Variants in ANO1 observed in about 807,000 individuals in gnomAD.
ANO1 encodes anoctamin-1.
In ANO1, 59 loss-of-function variants were observed where a neutral mutation model predicts 124.0. The observed-to-expected ratio is 0.48, with a 90% CI of 0.39 to 0.59. The LOEUF (loss-of-function observed/expected upper bound fraction) is 0.59. Among genes scored for constraint, ANO1 ranks in the 20% least tolerant of loss-of-function variants. The pLI is 0.00. For missense variants in ANO1, 1,059 were observed against 1,328.0 expected (o/e 0.80, Z 3.15); for synonymous variants, 529 against 532.0 (o/e 0.99, Z 0.08).
At chr11:70,108,284 A>G (rs1024955383) in intron 5 of ANO1, 69 bp from the exon 6 acceptor site, 9 of 1,511,492 alleles carry the variant, frequency 6.0e-6, no homozygotes, top group Non-Finnish European at 8.2e-6. Context: ...CTCCAGCCAC[A>G]GCAGACTGTT....
In ANO1 at chr11:70,167,237, C is replaced by T; in HGVS notation, c.2052-5C>T. Reference sequence around the variant, plus strand: ...AACCTAACTGCATGATGTCTCATCTCTCAGGAAGATGAAGAAGCTCATCCG... The same window carrying T: ...AACCTAACTGCATGATGTCTCATCTTTCAGGAAGATGAAGAAGCTCATCCG... On this transcript the variant is annotated splice_polypyrimidine_tract_variant and splice_region_variant and intron_variant, in intron 20 of 25. Transcript: ENST00000355303. 1 of 1,613,902 alleles carries T rather than the reference C, an allele frequency of 6.2e-7. No individual in the cohort carries two copies. Among genetic ancestry groups the T allele is most frequent in the Non-Finnish European group, 8.5e-7 (1 of 1,179,834 alleles).
At chr11:70,025,823 GAT>G (rs1856889713) in intron 1 of ANO1, among the ~76,000 whole-genome samples, 1 of 109,630 alleles carries the variant, frequency 9.1e-6, no homozygotes, top group Admixed American at 8.6e-5. Flanking sequence ...TGGTGATGAT[GAT>G]GGTGGTGGTG....
chr11:70,024,317 G>A lies in ANO1; in HGVS notation c.58+38151G>A, dbSNP rs143286863. 9.3e-3 allele frequency among the ~76,000 whole-genome samples: 1,412 copies of A among 152,316 alleles called. 12 individuals are homozygous for A. The highest frequency in any genetic ancestry group is 0.014 in the Non-Finnish European group (919 of 68,028). On this transcript the variant is annotated intron_variant, in intron 1 of 27. Coordinates refer to the ANO1 transcript ENST00000531349. ...AGATCCCTGAGACCATCTGGAGCGGGGGGACACATAGCCCATAAACCACAT... is the reference window on the plus strand; with the variant it reads ...AGATCCCTGAGACCATCTGGAGCGGAGGGACACATAGCCCATAAACCACAT...
At chr11:69,990,560 T>G (rs55674965) in intron 1 of ANO1, among the ~76,000 whole-genome samples, 286 of 152,358 alleles carry the variant, frequency 1.9e-3, no homozygotes, top group Non-Finnish European at 3.6e-3. Flanking sequence ...TTTAAGGAAC[T>G]GCCAAACTGT....
chr11:70,013,297 G>T (rs1169682876), intron 1 of ANO1, among the ~76,000 whole-genome samples: 1 of 152,204 alleles, frequency 6.6e-6, no homozygotes, highest in African/African-American at 2.4e-5. Flanking sequence ...TGGCCTTCAA[G>T]ATCACGTTGC....
intron 1 of ANO1, chr11:70,056,256 T>C (rs1857433187): frequency 6.6e-6 from 1 of 152,190 alleles, no homozygotes; most frequent in Admixed American, 6.5e-5. Flanking sequence ...TTTATTTTGT[T>C]TTCATTTTTG....
Position 70,187,950 on chromosome 11 carries a change from A to G in ANO1, c.2907A>G (p.Pro969=). The change falls in exon 26 of 26, where the codon CCA becomes CCG. Residue 969 remains proline, a synonymous_variant. Transcript: ENST00000355303. ...PCNHHNTKAC[P]DSLGSPAPSH... The stretch of plus-strand genomic sequence containing the variant: ...ACCACCACAACACCAAAGCCTGCCC[A>G]GACAGCCTCGGCAGCCCAGCCCCCA... 1 of 1,578,592 alleles carries G rather than the reference A, an allele frequency of 6.3e-7. No homozygotes were observed. Among genetic ancestry groups the G allele is most frequent in the Non-Finnish European group, 8.6e-7 (1 of 1,163,004 alleles).
At chr11:69,977,304 A>G in the ANO1 span, among the ~76,000 whole-genome samples, 1 of 152,198 alleles carries the variant, frequency 6.6e-6, no homozygotes, top group Non-Finnish European at 1.5e-5. Context: ...CTCAAAGACC[A>G]CGGAAGTAGT....
At position 70,170,877 on chromosome 11, in the gene ANO1, C is replaced by T; in HGVS notation, c.2198-10C>T. 2 of 1,612,368 alleles carry T rather than the reference C, an allele frequency of 1.2e-6. No individual in the cohort carries two copies. Among genetic ancestry groups the T allele is most frequent in the Non-Finnish European group, 8.5e-7 (1 of 1,179,288 alleles). On this transcript the variant is annotated splice_polypyrimidine_tract_variant and intron_variant, in intron 21 of 25. Transcript: ENST00000355303. ...ACGGGGTGCTGACTAGCACTGGGCT[C>T]TCTCTGCAGTCATCCAGTTTGGCTT...
At chr11:69,976,559 G>C in the ANO1 span, among the ~76,000 whole-genome samples, 17 of 126,848 alleles carry the variant, frequency 1.3e-4, 1 homozygote, top group African/African-American at 5.1e-4. Flanking sequence ...AAAAAAGAGA[G>C]AGAGAGAGAG....
chr11:70,102,831 A>G (rs568744194), intron 2 of ANO1, among the ~76,000 whole-genome samples: 17 of 152,114 alleles, frequency 1.1e-4, no homozygotes, highest in Non-Finnish European at 2.1e-4. Context: ...CCTGGCTCTT[A>G]AAGTTTCCCG....
intron 20 of ANO1, 88 bp downstream of exon 20, chr11:70,165,658 C>G (rs538016306): frequency 9.2e-7 from 1 of 1,082,090 alleles, no homozygotes. Context: ...TGGGTGGACG[C>G]GGGGCCTCAA....
intron 1 of ANO1, among the ~76,000 whole-genome samples, chr11:70,052,889 C>T (rs782105158): frequency 1.3e-5 from 2 of 152,158 alleles, no homozygotes; most frequent in Non-Finnish European, 2.9e-5. Context: ...TTGAGTCTTC[C>T]AATCCATGAA....
At chr11:70,144,565 G>T (rs946718056) in intron 11 of ANO1, among the ~76,000 whole-genome samples, 3 of 152,208 alleles carry the variant, frequency 2.0e-5, no homozygotes, top group African/African-American at 4.8e-5. Context: ...TGAGGAGTTT[G>T]TGTGACTCTG....
intron 7 of ANO1, 137 bp from the exon 8 acceptor site, chr11:70,116,321 G>A: frequency 1.1e-6 from 1 of 940,968 alleles, no homozygotes; most frequent in South Asian, 1.6e-5. Flanking sequence ...CACACTCTGT[G>A]TGAAATGTTG....
chr11:70,063,032 C>T (rs946859802), intron 1 of ANO1, among the ~76,000 whole-genome samples: 3 of 152,188 alleles, frequency 2.0e-5, no homozygotes, highest in Non-Finnish European at 4.4e-5. Flanking sequence ...CGGGTTCAAG[C>T]GATTCTCCTC....
intron 14 of ANO1, among the ~76,000 whole-genome samples, chr11:70,154,109 G>T (rs980350290): frequency 2.6e-5 from 4 of 152,144 alleles, no homozygotes; most frequent in Non-Finnish European, 5.9e-5. Context: ...GGACAAGCAG[G>T]CATGGAGCTC....
chr11:69,970,569 C>T, the ANO1 span, among the ~76,000 whole-genome samples: 1 of 152,164 alleles, frequency 6.6e-6, no homozygotes, highest in African/African-American at 2.4e-5. Flanking sequence ...ACTCTGTGAC[C>T]TCGGGAAGGT....
rs1216733527 is a variant in ANO1 at position 69,987,469 on chromosome 11, G to A, written c.58+1303G>A. The stretch of plus-strand genomic sequence containing the variant: ...TGAGGCCACACAGCCAGTAACTGAT[G>A]GCACCAAGATTAGAACGGAGGCCTG... On this transcript the variant is annotated intron_variant, in intron 1 of 27. Transcript: ENST00000531349. 7.2e-5 allele frequency among the ~76,000 whole-genome samples: 11 copies of A among 152,262 alleles called. No homozygotes were observed. The East Asian group carries it at 1.9e-3, about 27-fold the overall frequency.
Sources: allele counts gnomAD v4.1 joint callset (sites outside exome capture counted in the v4.1 genomes callset), GRCh38; gene constraint gnomAD v4.1.1; transcripts MANE v1.5; gene names NCBI Gene and HGNC (gene_info 2026-07-23, HGNC 2026-07-21).